ROBO1: variants seen among roughly 807,000 people sequenced by gnomAD.
ROBO1 encodes roundabout guidance receptor 1, also known as roundabout homolog 1.
In ROBO1, 149 loss-of-function variants were observed where a neutral mutation model predicts 195.9. The observed-to-expected ratio is 0.76, with a 90% confidence interval of 0.67 to 0.87. ROBO1 has a LOEUF of 0.87. ROBO1 is among the 40% of genes least tolerant of loss of function. The pLI, the probability that ROBO1 is intolerant of heterozygous loss-of-function variation, is 0.00. For synonymous variants in ROBO1, 816 were observed against 733.2 expected, an observed-to-expected ratio of 1.11 and a Z score of -1.82; for missense variants, 1,933 against 2,068.3, an observed-to-expected ratio of 0.93 and a Z score of 1.27.
intron 4 of ROBO1, among the ~76,000 whole-genome samples, chr3:78,910,288 T>C (rs897626584): frequency 6.6e-6 from 1 of 151,938 alleles, no homozygotes; most frequent in Non-Finnish European, 1.5e-5. Context: ...TCATCTTTTA[T>C]ATACATAACA....
At chr3:79,259,622 T>A (rs1424924167) in intron 2 of ROBO1, among the ~76,000 whole-genome samples, 2 of 151,932 alleles carry the variant, frequency 1.3e-5, no homozygotes, top group Non-Finnish European at 2.9e-5. Context: ...ATCTTTCTAC[T>A]CTCTATATCC....
intron 1 of ROBO1, among the ~76,000 whole-genome samples, chr3:79,661,600 CT>C: frequency 6.6e-6 from 1 of 151,896 alleles, no homozygotes; most frequent in East Asian, 2.0e-4. Context: ...ACCAAGTCGT[CT>C]TTCTTTATTC....
chr3:79,254,939 A>T lies in ROBO1; in HGVS notation c.89-129400T>A, dbSNP rs563934621. ...CTTCATTCTGTTTATGCACAGGGGT[A>T]CATGAGCAAATGATCATCAAATGAC... On this transcript the variant is annotated intron_variant, in intron 2 of 30. Coordinates refer to ENST00000464233, the MANE Select transcript of ROBO1 (RefSeq NM_002941.4). Among the ~76,000 whole-genome samples, 290 of 152,310 alleles carry T rather than the reference A, an allele frequency of 1.9e-3. 1 individual carries two copies. Among genetic ancestry groups the T allele is most frequent in the African/African-American group, 6.0e-3 (251 of 41,576 alleles).
chr3:78,981,782 C>T (rs1270866790), intron 3 of ROBO1, among the ~76,000 whole-genome samples: 1 of 148,780 alleles, frequency 6.7e-6, no homozygotes, highest in East Asian at 2.0e-4. Flanking sequence ...TCCCCTGGCC[C>T]CTGCCAACAC....
intron 1 of ROBO1, among the ~76,000 whole-genome samples, chr3:79,745,362 A>AATT (rs1238577683): frequency 6.6e-6 from 1 of 152,248 alleles, no homozygotes; most frequent in Admixed American, 6.5e-5. Context: ...AGTGAAAAAT[A>AATT]GAATCTGGTT....
At chr3:79,258,929 A>G (rs958546074) in intron 2 of ROBO1, among the ~76,000 whole-genome samples, 2 of 152,088 alleles carry the variant, frequency 1.3e-5, no homozygotes, top group Non-Finnish European at 2.9e-5. Context: ...TCACTATAAC[A>G]TTCATACTAT....
chr3:78,839,283 T>C (rs2032997256), intron 4 of ROBO1, among the ~76,000 whole-genome samples: 1 of 152,230 alleles, frequency 6.6e-6, no homozygotes, highest in South Asian at 2.1e-4. Context: ...TCATTACATA[T>C]AATGATGTAT....
chr3:78,911,503 T>A (rs1049179897), intron 4 of ROBO1, among the ~76,000 whole-genome samples: 2 of 152,016 alleles, frequency 1.3e-5, no homozygotes, highest in Non-Finnish European at 2.9e-5. Context: ...CTTTTATAGA[T>A]ATGAACTGTA....
At chr3:78,653,997 T>C (rs947512110) in intron 18 of ROBO1, among the ~76,000 whole-genome samples, 1 of 152,214 alleles carries the variant, frequency 6.6e-6, no homozygotes, top group Non-Finnish European at 1.5e-5. Context: ...AATACAACAA[T>C]TCTGCTAATA....
intron 1 of ROBO1, among the ~76,000 whole-genome samples, chr3:79,593,605 T>C (rs1465088007): frequency 6.6e-6 from 1 of 151,874 alleles, no homozygotes; most frequent in Non-Finnish European, 1.5e-5. Context: ...TTAAGAATTT[T>C]TTTTTTGCTT....
chr3:78,893,248 T>A (rs1469959616), intron 4 of ROBO1, among the ~76,000 whole-genome samples: 2 of 152,220 alleles, frequency 1.3e-5, no homozygotes, highest in Admixed American at 1.3e-4. Context: ...ATGGGGTGAT[T>A]AGGCCATGAG....
intron 2 of ROBO1, among the ~76,000 whole-genome samples, chr3:79,508,907 T>C (rs1940552225): frequency 6.6e-6 from 1 of 152,246 alleles, no homozygotes. Context: ...TAGAATCATG[T>C]ATTTCATTTA....
At position 79,070,536 on chromosome 3, in the gene ROBO1, G is replaced by A. The variant is rs79767556; in HGVS notation, c.172+54920C>T. Among the ~76,000 whole-genome samples the A allele has an allele frequency of 1.9e-3, 291 of 151,868 alleles. 7 individuals carry two copies. In the East Asian group the frequency reaches 0.051, roughly 27 times the overall value. ...CCAACGTTTTCTGATATGTATTCTT[G>A]CTAATGAGTCTGTGATATGTATTGA... On this transcript the variant is annotated intron_variant, in intron 3 of 30. Coordinates refer to ENST00000464233, the MANE Select transcript of ROBO1 (RefSeq NM_002941.4).
chr3:79,712,196 G>A (rs886355592), intron 1 of ROBO1, among the ~76,000 whole-genome samples: 3 of 152,108 alleles, frequency 2.0e-5, no homozygotes, highest in Non-Finnish European at 2.9e-5. Flanking sequence ...GCTTGGTGAG[G>A]AAGGCATATC....
intron 1 of ROBO1, among the ~76,000 whole-genome samples, chr3:79,728,142 C>T (rs866261917): frequency 0.012 from 1,875 of 152,020 alleles, 32 homozygotes; most frequent in African/African-American, 0.041. Flanking sequence ...ATATCCCCCC[C>T]CCCACAGGAA....
At chr3:78,711,348 C>CTCCTTCCT (rs1191923818) in intron 8 of ROBO1, among the ~76,000 whole-genome samples, 5 of 54,682 alleles carry the variant, frequency 9.1e-5, no homozygotes, top group African/African-American at 2.7e-4. Flanking sequence ...TCCTTCCTTC[C>CTCCTTCCT]TCCTTCCTTC....
intron 3 of ROBO1, among the ~76,000 whole-genome samples, chr3:78,956,215 T>C (rs943514120): frequency 6.6e-6 from 1 of 152,114 alleles, no homozygotes; most frequent in Admixed American, 6.6e-5. Flanking sequence ...AAGTAAATAA[T>C]TCATCATTCC....
intron 3 of ROBO1, among the ~76,000 whole-genome samples, chr3:79,022,489 C>G (rs1335321446): frequency 1.3e-5 from 2 of 152,212 alleles, no homozygotes; most frequent in African/African-American, 4.8e-5. Flanking sequence ...TTCACTTTTG[C>G]TCCTGAACTT....
chr3:79,546,066 C>T (rs1942252290), intron 2 of ROBO1, among the ~76,000 whole-genome samples: 1 of 152,048 alleles, frequency 6.6e-6, no homozygotes, highest in African/African-American at 2.4e-5. Flanking sequence ...TTATGATCCA[C>T]TTCCACTTAA....
Sources: gnomAD v4.1 joint callset for allele counts (sites outside exome capture counted in the v4.1 genomes callset) on GRCh38, gnomAD v4.1.1 for gene constraint, MANE v1.5 for transcripts, NCBI Gene and HGNC (gene_info 2026-07-23, HGNC 2026-07-21) for gene names.